The following PICALM variants were observed in gnomAD, a reference collection of about 807,000 sequenced individuals.
PICALM encodes phosphatidylinositol-binding clathrin assembly protein.
Under a neutral mutation model 80.5 loss-of-function variants are expected in PICALM, and 40 were observed. The observed-to-expected ratio is 0.50, with a 90% CI of 0.39 to 0.65. The LOEUF (loss-of-function observed/expected upper bound fraction) is 0.65, where lower values mean the gene tolerates loss of function less well. Among genes scored for constraint, PICALM ranks in the 30% least tolerant of loss-of-function variants. The probability of loss-of-function intolerance (pLI) is 0.00; values close to 1 mark genes in which losing one functional copy is unlikely to be tolerated. For synonymous variants in PICALM, 288 were observed against 260.3 expected (o/e 1.11, Z -1.02); for missense variants, 676 against 778.9 (o/e 0.87, Z 1.57).
intron 1 of PICALM, among the ~76,000 whole-genome samples, chr11:86,032,386 C>G (rs1236726698): frequency 6.6e-6 from 1 of 152,100 alleles, no homozygotes; most frequent in African/African-American, 2.4e-5. Context: ...CTTTGGAAAC[C>G]TGAGGTGGGG....
chr11:85,984,473 G>A (rs920905862), intron 13 of PICALM, among the ~76,000 whole-genome samples: 1 of 152,020 alleles, frequency 6.6e-6, no homozygotes, highest in Admixed American at 6.6e-5. Context: ...AATCAAAAGC[G>A]AAATAGCTTA....
At chr11:86,050,443 C>G (rs1353713294) in intron 1 of PICALM, among the ~76,000 whole-genome samples, 2 of 152,108 alleles carry the variant, frequency 1.3e-5, no homozygotes, top group African/African-American at 2.4e-5. Flanking sequence ...ACTGATGCAG[C>G]CTTGACCTAT....
intron 11 of PICALM, among the ~76,000 whole-genome samples, chr11:85,998,894 G>A (rs969697813): frequency 6.6e-6 from 1 of 152,152 alleles, no homozygotes; most frequent in African/African-American, 2.4e-5. Flanking sequence ...GAGTAGCTGG[G>A]ACAACAGGCA....
chr11:86,058,779 C>T (rs906642046), intron 1 of PICALM, among the ~76,000 whole-genome samples: 14 of 152,128 alleles, frequency 9.2e-5, no homozygotes, highest in Admixed American at 9.2e-4. Context: ...TACAGTTATA[C>T]TCTAGGAGGC....
chr11:86,004,415 G>C (rs2095232077), intron 8 of PICALM, among the ~76,000 whole-genome samples: 1 of 152,098 alleles, frequency 6.6e-6, no homozygotes, highest in African/African-American at 2.4e-5. Context: ...TGACTGGAAG[G>C]GGGCATAAGG....
chr11:85,965,522 G>A (rs975215018), intron 19 of PICALM, among the ~76,000 whole-genome samples: 7 of 152,186 alleles, frequency 4.6e-5, no homozygotes, highest in Admixed American at 6.5e-5. Context: ...TTAGTGGTAC[G>A]TTGAATCCAG....
At chr11:86,049,036 T>C (rs1412153757) in intron 1 of PICALM, among the ~76,000 whole-genome samples, 3 of 152,138 alleles carry the variant, frequency 2.0e-5, no homozygotes, top group Non-Finnish European at 2.9e-5. Context: ...CTCCCACCTG[T>C]AATCCCAGCA....
chr11:85,989,583 C>T (rs1418434776), intron 13 of PICALM, among the ~76,000 whole-genome samples: 1 of 152,112 alleles, frequency 6.6e-6, no homozygotes, highest in Non-Finnish European at 1.5e-5. Flanking sequence ...TCAGCATATA[C>T]TTTAAAACTT....
intron 12 of PICALM, among the ~76,000 whole-genome samples, chr11:85,993,693 C>G (rs907707989): frequency 7.9e-5 from 12 of 151,988 alleles, no homozygotes; most frequent in African/African-American, 2.9e-4. Context: ...CCCACCTCAA[C>G]CTCCCAAAGT....
At chr11:85,982,574 C>G (rs2094474461) in intron 14 of PICALM, among the ~76,000 whole-genome samples, 1 of 146,538 alleles carries the variant, frequency 6.8e-6, no homozygotes. Context: ...ACTACAGGCG[C>G]CCGCCACCGC....
chr11:85,960,894 A>G (rs773362660), intron 19 of PICALM: 9 of 345,236 alleles, frequency 2.6e-5, no homozygotes, highest in Non-Finnish European at 4.3e-5. Flanking sequence ...TTTAATAAAT[A>G]TAAGGGCAGT....
intron 8 of PICALM, chr11:86,007,335 G>A (rs1259501310): frequency 3.1e-6 from 1 of 325,260 alleles, no homozygotes; most frequent in Non-Finnish European, 5.9e-6. Flanking sequence ...TGGTATGACA[G>A]TGGGTAGGCA....
At chr11:86,031,118 AAAAC>A (rs2095744323) in intron 2 of PICALM, among the ~76,000 whole-genome samples, 2 of 152,336 alleles carry the variant, frequency 1.3e-5, no homozygotes, top group Admixed American at 6.5e-5. Flanking sequence ...ACCCTGTCTC[AAAAC>A]AAACAAACAA....
At chr11:85,981,377 G>T in intron 16 of PICALM, 149 bp from the exon 17 acceptor site, 1 of 588,764 alleles carries the variant, frequency 1.7e-6, no homozygotes, top group Non-Finnish European at 3.0e-6. Flanking sequence ...AGGCCAAGGT[G>T]GACAAATCAC....
intron 2 of PICALM, among the ~76,000 whole-genome samples, chr11:86,030,495 C>A (rs1452252365): frequency 6.6e-6 from 1 of 152,032 alleles, no homozygotes; most frequent in African/African-American, 2.4e-5. Context: ...AGGCACATAC[C>A]GAAGAAGATT....
chr11:86,039,064 TCATGCCACTGCA>T (rs2095898789), intron 1 of PICALM, among the ~76,000 whole-genome samples: 1 of 150,544 alleles, frequency 6.6e-6, no homozygotes, highest in Non-Finnish European at 1.5e-5. Context: ...TGAGCCAAGA[TCATGCCACTGCA>T]CTCTTGTCTG....
At chr11:86,031,917 C>A (rs948284343) in intron 1 of PICALM, among the ~76,000 whole-genome samples, 11 of 152,242 alleles carry the variant, frequency 7.2e-5, no homozygotes, top group African/African-American at 2.2e-4. Flanking sequence ...TTTTGAGGAA[C>A]CTTCTATTTC....
rs972746253 is a variant in PICALM, at chr11:86,007,707, T to A, written c.766-124A>T. The A allele has an allele frequency of 7.8e-5, 26 of 331,214 alleles. No individual in the cohort carries two copies. In the South Asian group the frequency reaches 1.1e-3, roughly 14 times the overall value. The allele number at this position is 331,214 out of a possible 1,614,324, so 20.5% of individuals were successfully genotyped here. A position where few individuals can be genotyped will look rare whatever the true frequency, so the allele number is the denominator to read the frequency against. On this transcript the variant is annotated intron_variant, in intron 7 of 19. Coordinates refer to ENST00000393346, the MANE Select transcript of PICALM (RefSeq NM_007166.4). ...ACAGACTTCTTAAGAATCAGGAAAA[T>A]ATTTAATCTCCAAAAATACTCAACA...
At chr11:85,982,028 A>T (rs750691839) in intron 14 of PICALM, 25 bp from the exon 15 acceptor site, 6 of 1,607,960 alleles carry the variant, frequency 3.7e-6, no homozygotes, top group Non-Finnish European at 5.1e-6. Flanking sequence ...CAGACGAAAT[A>T]GAATTTGTAA....
Sources: gnomAD v4.1 joint callset for allele counts (sites outside exome capture counted in the v4.1 genomes callset) on GRCh38, gnomAD v4.1.1 for gene constraint, MANE v1.5 for transcripts, NCBI Gene and HGNC (gene_info 2026-07-23, HGNC 2026-07-21) for gene names.